Variants in CTBP1 observed in about 807,000 individuals in gnomAD.
CTBP1 encodes C-terminal binding protein 1.
A neutral mutation model predicts 42.1 loss-of-function variants in CTBP1; 11 were observed. That is an observed-to-expected ratio of 0.26 (90% CI 0.16 to 0.43). The LOEUF is 0.43. CTBP1 is among the 20% of genes least tolerant of loss of function. The pLI is 1.00. For synonymous variants in CTBP1, 324 were observed against 277.1 expected (o/e 1.17, Z -1.68); for missense variants, 399 against 624.3 (o/e 0.64, Z 3.85).
chr4:1,241,711 G>A (rs368267659), intron 1 of CTBP1, 192 bp from the exon 2 acceptor site: 49 of 1,221,736 alleles, frequency 4.0e-5, no homozygotes, highest in African/African-American at 1.1e-4. Flanking sequence ...CACGAAGGGC[G>A]CTCACCCTGA....
rs367988327 is a variant in CTBP1, at chr4:1,212,948, G to A, written c.1071C>T (p.Ala357=). 4.6e-5 allele frequency: 74 copies of A among 1,613,694 alleles called. No homozygotes were observed. Among genetic ancestry groups the A allele is most frequent in the African/African-American group, 6.7e-5 (5 of 74,918 alleles). Residue 357 remains alanine (A), a synonymous_variant, in exon 9 of 10, where the codon GCC becomes GCT. Coordinates refer to ENST00000382952, the MANE Select transcript of CTBP1 (RefSeq NM_001012614.2). The part of the protein sequence containing the change: ...AATHWASMDP[A]VVHPELNGAA... ...CCCCATTGAGCTCAGGGTGCACGAC[G>A]GCGGGGTCCATGCTGGCCCAGTGGG...
At chr4:1,248,476 C>T (rs1371747606) in intron 1 of CTBP1, among the ~76,000 whole-genome samples, 1 of 150,656 alleles carries the variant, frequency 6.6e-6, no homozygotes, top group East Asian at 2.0e-4. Flanking sequence ...CCAGGACACC[C>T]CGAGCTGCGC....
At chr4:1,242,832 A>G in intron 1 of CTBP1, 1 of 985,442 alleles carries the variant, frequency 1.0e-6, no homozygotes, top group Non-Finnish European at 1.2e-6. Context: ...AAACCGCCTA[A>G]ATGTCACATT....
In CTBP1 at chr4:1,238,408, C is replaced by A; in HGVS notation, c.8-71G>T. On this transcript the variant is annotated intron_variant, in intron 2 of 9. Coordinates refer to ENST00000382952, the MANE Select transcript of CTBP1 (RefSeq NM_001012614.2). This position sits in a 1 kb window ranked among gnomAD's most constrained non-coding sequence, Gnocchi z 5.9. ...GTGGCTACAACCCACTCCACGCCAC[C>A]CACTGTGCACGGGCCAACGAGGGCC... 2 of 1,491,700 alleles carry A rather than the reference C, an allele frequency of 1.3e-6. No homozygotes were observed. Among genetic ancestry groups the A allele is most frequent in the Non-Finnish European group, 1.8e-6 (2 of 1,123,670 alleles). 92.4% of individuals were successfully genotyped at this position (1,491,700 alleles called of 1,614,324 possible). A position where few individuals can be genotyped will look rare whatever the true frequency, so the allele number is the denominator to read the frequency against.
At chr4:1,244,823 C>G in intron 1 of CTBP1, 1 of 985,444 alleles carries the variant, frequency 1.0e-6, no homozygotes, top group African/African-American at 1.7e-5. Flanking sequence ...CTCTGGCTGT[C>G]CAGGCCTGGA....
At chr4:1,245,838 A>AG (rs1732666153) in intron 1 of CTBP1, among the ~76,000 whole-genome samples, 1 of 151,956 alleles carries the variant, frequency 6.6e-6, no homozygotes, top group African/African-American at 2.4e-5. Flanking sequence ...CCTGGTCCCA[A>AG]CACCGCCCAC....
chr4:1,226,466 C>T (rs1383976493), intron 4 of CTBP1, among the ~76,000 whole-genome samples: 1 of 151,708 alleles, frequency 6.6e-6, no homozygotes, highest in East Asian at 1.9e-4. Context: ...TGTGGGGCGG[C>T]GCAGGCAGGG....
At chr4:1,222,061 C>T (rs1046576065) in intron 5 of CTBP1, among the ~76,000 whole-genome samples, 1 of 152,210 alleles carries the variant, frequency 6.6e-6, no homozygotes, top group Non-Finnish European at 1.5e-5. Flanking sequence ...CTAAGAACAA[C>T]CCAGACAGTG....
Position 1,216,217 on chromosome 4 carries a change from A to G in CTBP1, c.515-12T>C, listed in dbSNP as rs1388077499. On this transcript the variant is annotated splice_polypyrimidine_tract_variant and intron_variant, in intron 5 of 9. Coordinates refer to ENST00000382952, the MANE Select transcript of CTBP1 (RefSeq NM_001012614.2). The stretch of plus-strand genomic sequence containing the variant: ...CTGCCCCACGCGACCTGGTGGCGTC[A>G]AGACACAGTGTGAGACCCTTGCTCA... 3 of 1,606,678 alleles carry G rather than the reference A, an allele frequency of 1.9e-6. No individual in the cohort carries two copies. Among genetic ancestry groups the G allele is most frequent in the Non-Finnish European group, 2.5e-6 (3 of 1,178,410 alleles).
chr4:1,212,389 C>A lies in CTBP1; in HGVS notation c.1141G>T (p.Gly381Cys), dbSNP rs1373257428. 2 of 1,491,772 alleles carry A rather than the reference C, an allele frequency of 1.3e-6. No individual in the cohort carries two copies. The highest frequency in any genetic ancestry group is 5.2e-5 in the Admixed American group (2 of 38,758). The allele number at this position is 1,491,772 out of a possible 1,614,324, so 92.4% of individuals were successfully genotyped here. A position where few individuals can be genotyped will look rare whatever the true frequency, so the allele number is the denominator to read the frequency against. Residue 381 changes from glycine to cysteine, a missense_variant, in exon 10 of 10, where the codon GGC (glycine) becomes TGC (cysteine). By Grantham distance (159) the Gly-to-Cys change is radical. Around this residue, in one of 4 missense-constraint regions of CTBP1, gnomAD observed 309 missense variants for 497.5 expected, o/e 0.62. Coordinates refer to ENST00000382952, the MANE Select transcript of CTBP1 (RefSeq NM_001012614.2). The part of the protein sequence containing the change: ...PPGVVGVAPT[G>C]IPAAVEGIVP... ...ATACCTTCCACAGCAGCTGGGATGC[C>A]AGTGGGGGCCACGCCCACCACGCCC...
chr4:1,234,251 T>C (rs1731257667), intron 3 of CTBP1, among the ~76,000 whole-genome samples: 1 of 152,232 alleles, frequency 6.6e-6, no homozygotes, highest in South Asian at 2.1e-4. Context: ...TTCTGCAATG[T>C]CCCTGTGTCT....
intron 3 of CTBP1, among the ~76,000 whole-genome samples, chr4:1,230,087 C>T (rs1210562323): frequency 2.0e-5 from 3 of 152,204 alleles, no homozygotes; most frequent in African/African-American, 7.2e-5. Flanking sequence ...CCTGGGAGGG[C>T]TTTGAGGCTG....
At chr4:1,247,037 AG>A (rs1419115287) in intron 1 of CTBP1, among the ~76,000 whole-genome samples, 2 of 152,282 alleles carry the variant, frequency 1.3e-5, no homozygotes, top group Non-Finnish European at 1.5e-5. Context: ...CACTCATCAG[AG>A]GGACAGGACC....
chr4:1,235,164 T>A lies in CTBP1; in HGVS notation c.162+3019A>T, dbSNP rs1731357636. The A allele has an allele frequency of 2.0e-5, 3 of 151,890 alleles. No individual in the cohort carries two copies. Among genetic ancestry groups the A allele is most frequent in the Admixed American group, 1.3e-4 (2 of 15,246 alleles). 9.4% of individuals were successfully genotyped at this position (151,890 alleles called of 1,614,324 possible). A position where few individuals can be genotyped will look rare whatever the true frequency, so the allele number is the denominator to read the frequency against. Reference sequence around the variant, plus strand: ...AAGGACAGCCGGTGGGGGGCGTCCTTCTGGTTTGGGCTATGGTGAGTTAAG... The same window carrying A: ...AAGGACAGCCGGTGGGGGGCGTCCTACTGGTTTGGGCTATGGTGAGTTAAG... On this transcript the variant is annotated intron_variant, in intron 3 of 9. Transcript: ENST00000382952. The surrounding 1 kb of genome is among the most constrained non-coding windows in gnomAD (Gnocchi z 4.2).
At chr4:1,216,404 C>T (rs917288530) in intron 5 of CTBP1, 199 bp from the exon 6 acceptor site, 22 of 612,772 alleles carry the variant, frequency 3.6e-5, no homozygotes, top group Middle Eastern at 8.8e-4. Context: ...ACTGCCAAGG[C>T]GGAGGAGATG....
chr4:1,221,888 G>C (rs1729778226), intron 5 of CTBP1: 1 of 385,990 alleles, frequency 2.6e-6, no homozygotes, highest in African/African-American at 2.1e-5. Flanking sequence ...AAGGAGGGAG[G>C]AAAGAAAGAA....
chr4:1,238,686 C>T lies in CTBP1; in HGVS notation c.8-349G>A, dbSNP rs993143650. Among the ~76,000 whole-genome samples, 1 of 150,810 alleles carries T rather than the reference C, an allele frequency of 6.6e-6. No homozygotes were observed. Among genetic ancestry groups the T allele is most frequent in the Non-Finnish European group, 1.5e-5 (1 of 67,698 alleles). On this transcript the variant is annotated intron_variant, in intron 2 of 9. Transcript: ENST00000382952. This position sits in a 1 kb window ranked among gnomAD's most constrained non-coding sequence, Gnocchi z 5.9. ...TCACACCCTCCAAGACCCTCCGAGACCCCCCAAGAAATCTCCAGACCCTCT... is the reference window on the plus strand; with the variant it reads ...TCACACCCTCCAAGACCCTCCGAGATCCCCCAAGAAATCTCCAGACCCTCT...
intron 4 of CTBP1, among the ~76,000 whole-genome samples, chr4:1,226,548 G>A (rs975572688): frequency 1.3e-5 from 2 of 149,654 alleles, no homozygotes; most frequent in African/African-American, 2.5e-5. Context: ...GGAGAGCCAA[G>A]CCAGGCGCCA....
intron 1 of CTBP1, among the ~76,000 whole-genome samples, chr4:1,247,296 C>G (rs920389327): frequency 2.6e-5 from 4 of 152,112 alleles, no homozygotes; most frequent in Admixed American, 6.5e-5. Context: ...AGATGCCACC[C>G]CCAGTGCGTG....
Sources: gnomAD v4.1 joint callset for allele counts (sites outside exome capture counted in the v4.1 genomes callset) on GRCh38, gnomAD v4.1.1 for gene constraint, gnomAD v4.1.1 regional missense constraint, Gnocchi (gnomAD v3.1) non-coding constraint, MANE v1.5 for transcripts, NCBI Gene and HGNC (gene_info 2026-07-23, HGNC 2026-07-21) for gene names.